Variants in PLEKHA7 observed in about 807,000 individuals in gnomAD.
PLEKHA7 encodes pleckstrin homology domain containing A7, also known as pleckstrin homology domain-containing family A member 7.
PLEKHA7 carries 104 observed loss-of-function variants against 170.0 expected under a neutral mutation model. The ratio of observed to expected loss-of-function variants is 0.61; its 90% confidence interval spans 0.52 to 0.72. The LOEUF is 0.72. Ranked by LOEUF, PLEKHA7 falls within the 30% of genes least tolerant of loss-of-function variation. The pLI, the probability that PLEKHA7 is intolerant of heterozygous loss-of-function variation, is 0.00. For synonymous variants in PLEKHA7, 648 were observed against 660.8 expected (o/e 0.98, Z 0.30); for missense variants, 1,615 against 1,671.7 (o/e 0.97, Z 0.59).
intron 3 of PLEKHA7, among the ~76,000 whole-genome samples, chr11:16,917,821 TG>T (rs1858805561): frequency 6.6e-6 from 1 of 152,250 alleles, no homozygotes; most frequent in Non-Finnish European, 1.5e-5. Context: ...ACATGGCAGA[TG>T]CACAGTGACT....
At chr11:16,907,273 C>G (rs1229733897) in intron 3 of PLEKHA7, among the ~76,000 whole-genome samples, 1 of 144,920 alleles carries the variant, frequency 6.9e-6, no homozygotes, top group Non-Finnish European at 1.5e-5. Context: ...GGGTCAGCCC[C>G]CCGCCCGGCC....
intron 3 of PLEKHA7, among the ~76,000 whole-genome samples, chr11:16,972,516 T>A (rs1862784744): frequency 2.6e-5 from 4 of 152,258 alleles, no homozygotes; most frequent in Admixed American, 6.5e-5. Context: ...GCTCAAGTGA[T>A]CTTCCTGCCT....
chr11:16,789,048 C>T lies in PLEKHA7; in HGVS notation c.3357+48G>A, dbSNP rs1290638073. ...CTTGTGTTTGGGGGACTCTGAGGGG[C>T]ACTCGGCTCCCTGTCCCTGCCCCGC... is the stretch of plus-strand genomic sequence containing the variant. On this transcript the variant is annotated intron_variant, in intron 23 of 26. Coordinates refer to ENST00000531066, the MANE Select transcript of PLEKHA7 (RefSeq NM_001329630.2). This position sits in a 1 kb window ranked among gnomAD's most constrained non-coding sequence, Gnocchi z 4.6. 6.4e-7 allele frequency: 1 copy of T among 1,571,092 alleles called. No homozygotes were observed. The highest frequency in any genetic ancestry group is 1.8e-5 in the Admixed American group (1 of 56,022).
intron 3 of PLEKHA7, among the ~76,000 whole-genome samples, chr11:16,937,669 C>T (rs1030097150): frequency 2.0e-5 from 3 of 151,704 alleles, no homozygotes; most frequent in South Asian, 2.1e-4. Context: ...GGTGCAATGG[C>T]GCCATCTCAG....
intron 17 of PLEKHA7, among the ~76,000 whole-genome samples, chr11:16,800,112 A>G (rs1848492155): frequency 6.6e-6 from 1 of 152,250 alleles, no homozygotes; most frequent in South Asian, 2.1e-4. Context: ...AAGGTGCCTC[A>G]TACACAAGAA....
At chr11:16,973,819 C>G (rs1862875878) in intron 3 of PLEKHA7, among the ~76,000 whole-genome samples, 1 of 152,122 alleles carries the variant, frequency 6.6e-6, no homozygotes, top group Non-Finnish European at 1.5e-5. Context: ...CTGTGAGTAT[C>G]AAACATGAAA....
chr11:16,788,937 C>G (rs919261008), intron 23 of PLEKHA7, 159 bp downstream of exon 23: 3 of 902,456 alleles, frequency 3.3e-6, no homozygotes, highest in African/African-American at 3.3e-5. Flanking sequence ...ATTCGTCCAG[C>G]CTGGGTCGTG....
intron 3 of PLEKHA7, among the ~76,000 whole-genome samples, chr11:16,937,572 T>C (rs1239358480): frequency 2.6e-5 from 4 of 151,972 alleles, no homozygotes; most frequent in African/African-American, 9.7e-5. Flanking sequence ...AGAAACAAAC[T>C]AGGAAGCACT....
At chr11:16,836,527 G>C (rs1202503045) in intron 9 of PLEKHA7, among the ~76,000 whole-genome samples, 1 of 152,260 alleles carries the variant, frequency 6.6e-6, no homozygotes, top group Non-Finnish European at 1.5e-5. Flanking sequence ...AAATGCTACT[G>C]TTGGGGCCAC....
intron 3 of PLEKHA7, among the ~76,000 whole-genome samples, chr11:17,013,737 G>A (rs1190271297): frequency 6.6e-6 from 1 of 152,212 alleles, no homozygotes; most frequent in Non-Finnish European, 1.5e-5. Context: ...CGGATTGCAA[G>A]GTCCAGGGCG....
At chr11:16,996,935 C>CA (rs112441884) in intron 3 of PLEKHA7, among the ~76,000 whole-genome samples, 346 of 139,238 alleles carry the variant, frequency 2.5e-3, no homozygotes, top group Admixed American at 2.7e-3. Flanking sequence ...GACTCCGTCT[C>CA]AAAAAAAAAA....
rs752766396 is a variant in PLEKHA7, at chr11:16,875,932, C to T, written c.222-4750G>A. Among the ~76,000 whole-genome samples, 9 of 152,184 alleles carry T rather than the reference C, an allele frequency of 5.9e-5. 1 individual carries two copies. The highest frequency in any genetic ancestry group is 1.2e-4 in the Non-Finnish European group (8 of 68,024). ...TGAAGAAAGTAAGGTCCCTAAAGAACGGTGATTTACCTATAACCTCAGTCA... is the reference window on the plus strand; with the variant it reads ...TGAAGAAAGTAAGGTCCCTAAAGAATGGTGATTTACCTATAACCTCAGTCA... On this transcript the variant is annotated intron_variant, in intron 3 of 26. Transcript: ENST00000531066.
At chr11:16,850,343 G>T (rs533105463) in intron 8 of PLEKHA7, among the ~76,000 whole-genome samples, 1 of 152,322 alleles carries the variant, frequency 6.6e-6, no homozygotes, top group East Asian at 1.9e-4. Context: ...GCCAAGAGAG[G>T]GCCATGCCCT....
At chr11:16,925,357 AC>A (rs1381467856) in intron 3 of PLEKHA7, among the ~76,000 whole-genome samples, 1 of 151,874 alleles carries the variant, frequency 6.6e-6, no homozygotes, top group Non-Finnish European at 1.5e-5. Context: ...TCTTGCAGAA[AC>A]TCCAGCGGCC....
chr11:16,797,876 A>G (rs1054069795), intron 17 of PLEKHA7, among the ~76,000 whole-genome samples: 3 of 151,842 alleles, frequency 2.0e-5, no homozygotes, highest in African/African-American at 7.3e-5. Context: ...TGTCACCCCC[A>G]CATGTGAGAA....
intron 10 of PLEKHA7, among the ~76,000 whole-genome samples, chr11:16,818,257 T>A (rs1849927022): frequency 6.6e-6 from 1 of 152,196 alleles, no homozygotes; most frequent in Non-Finnish European, 1.5e-5. Flanking sequence ...TCCTTACTTG[T>A]AACAGGAGGA....
intron 12 of PLEKHA7, 103 bp downstream of exon 12, chr11:16,816,075 T>A (rs1356327497): frequency 1.1e-6 from 1 of 942,636 alleles, no homozygotes; most frequent in East Asian, 2.6e-5. Flanking sequence ...ATCTCTAATA[T>A]GGGGGTTAAT....
intron 3 of PLEKHA7, among the ~76,000 whole-genome samples, chr11:16,911,301 G>A (rs1011605390): frequency 7.2e-5 from 11 of 152,142 alleles, no homozygotes; most frequent in African/African-American, 2.7e-4. Context: ...CTTCTCTAAG[G>A]CTGACAGGGC....
chr11:16,796,328 G>A (rs959135154), intron 17 of PLEKHA7, among the ~76,000 whole-genome samples: 1 of 152,158 alleles, frequency 6.6e-6, no homozygotes, highest in East Asian at 1.9e-4. Flanking sequence ...ATATTAGTTG[G>A]CAATAAAAAG....
Sources: allele counts gnomAD v4.1 joint callset (sites outside exome capture counted in the v4.1 genomes callset), GRCh38; gene constraint gnomAD v4.1.1; non-coding constraint Gnocchi (gnomAD v3.1); transcripts MANE v1.5; gene names NCBI Gene and HGNC (gene_info 2026-07-23, HGNC 2026-07-21).